PAGE2B: variants seen among roughly 807,000 people sequenced by gnomAD.
PAGE2B encodes the protein putative G antigen family E member 3.
Under a neutral mutation model 7.6 loss-of-function variants are expected in PAGE2B, and 5 were observed. That is an observed-to-expected ratio of 0.66 (90% confidence interval 0.34 to 1.38). PAGE2B has a LOEUF of 1.38. Ranked by LOEUF, PAGE2B falls within the 40% of genes most tolerant of loss-of-function variation. The pLI is 0.04. For synonymous variants in PAGE2B, 29 were observed against 26.7 expected, an observed-to-expected ratio of 1.09 and a Z score of -0.27; for missense variants, 70 against 78.4, an observed-to-expected ratio of 0.89 and a Z score of 0.41.
chrX:55,033,412 C>G, the PAGE2B span, among the ~76,000 whole-genome samples: 3 of 110,853 alleles, frequency 2.7e-5, no homozygotes, highest in Non-Finnish European at 5.7e-5. Flanking sequence ...CCTGATATCT[C>G]CTCTCCTTTA....
the PAGE2B span, among the ~76,000 whole-genome samples, chrX:55,035,563 G>A: frequency 4.5e-5 from 5 of 111,362 alleles, no homozygotes; most frequent in African/African-American, 9.8e-5. Flanking sequence ...TACTTGCTCC[G>A]TCACTTTATG....
chrX:55,042,653 C>CAAAAAAAAAAAAAAAAAAAA, the PAGE2B span, among the ~76,000 whole-genome samples: 1 of 11,862 alleles, frequency 8.4e-5, no homozygotes, highest in Non-Finnish European at 1.2e-4. Context: ...GACTCCGTCT[C>CAAAAAAAAAAAAAAAAAAAA]AAAAAAAAAA....
chrX:55,057,413 A>G, the PAGE2B span, among the ~76,000 whole-genome samples: 1 of 112,020 alleles, frequency 8.9e-6, no homozygotes, highest in Non-Finnish European at 1.9e-5. Flanking sequence ...ACATAGATAT[A>G]TAAATCCACA....
chrX:55,052,399 C>A, the PAGE2B span, among the ~76,000 whole-genome samples: 1 of 112,548 alleles, frequency 8.9e-6, no homozygotes, highest in South Asian at 3.6e-4. Flanking sequence ...TGTTCCCTGC[C>A]CCCAGAGGTG....
the PAGE2B span, among the ~76,000 whole-genome samples, chrX:55,047,893 T>G: frequency 6.2e-5 from 7 of 112,001 alleles, no homozygotes; most frequent in East Asian, 8.4e-4. Flanking sequence ...CCTTGCCCAA[T>G]CCTATGTCCT....
rs974401851 is a variant in PAGE2B at position 55,077,250 on chromosome X, C to G, written c.194-149C>G. ...AAAGGAAAGGGCAATGTTTGAACAT[C>G]TCTGCTTTCCTGTTTTCCTGGCAGC... On this transcript the variant is annotated intron_variant, in intron 3 of 4. Transcript: ENST00000374971. 4.9e-6 allele frequency: 5 copies of G among 1,012,223 alleles called. No individual in the cohort carries two copies. In the African/African-American group the frequency reaches 7.8e-5, roughly 16 times the overall value. 83.4% of individuals were successfully genotyped at this position (1,012,223 alleles called of 1,213,427 possible).
At chrX:55,076,419 CGTAT>C (rs1569548347) in intron 2 of PAGE2B, 146 bp from the exon 3 acceptor site, 15 of 516,967 alleles carry the variant, frequency 2.9e-5, no homozygotes, top group South Asian at 4.2e-5. Flanking sequence ...TATGTATATA[CGTAT>C]GTATGTATAT....
the PAGE2B span, among the ~76,000 whole-genome samples, chrX:55,054,365 T>C: frequency 8.9e-6 from 1 of 112,644 alleles, no homozygotes; most frequent in Non-Finnish European, 1.9e-5. Flanking sequence ...ATTTTAAAAG[T>C]CTATTTACAT....
At chrX:55,058,567 G>A in the PAGE2B span, among the ~76,000 whole-genome samples, 1 of 111,668 alleles carries the variant, frequency 9.0e-6, no homozygotes, top group Non-Finnish European at 1.9e-5. Flanking sequence ...TTGGTACTGA[G>A]ATCTTTCTGT....
At chrX:55,056,052 T>C in the PAGE2B span, among the ~76,000 whole-genome samples, 1 of 111,618 alleles carries the variant, frequency 9.0e-6, no homozygotes, top group Non-Finnish European at 1.9e-5. Context: ...GCTGGGCCTC[T>C]GAAAGAGAGA....
chrX:55,029,893 A>G, the PAGE2B span, among the ~76,000 whole-genome samples: 40,511 of 109,148 alleles, frequency 0.37, 6,793 homozygotes, highest in Non-Finnish European at 0.5. Context: ...AAAAGGGCCA[A>G]CTGCAACTCT....
chrX:55,059,889 G>C, the PAGE2B span, among the ~76,000 whole-genome samples: 11 of 111,068 alleles, frequency 9.9e-5, no homozygotes, highest in Non-Finnish European at 1.9e-5. Flanking sequence ...TCTGTGTCTG[G>C]TTTACTTCGC....
chrX:55,041,657 C>T, the PAGE2B span, among the ~76,000 whole-genome samples: 1 of 111,813 alleles, frequency 8.9e-6, no homozygotes, highest in Admixed American at 9.5e-5. Context: ...AGGGCTGAGC[C>T]TCTGGTGGGT....
At chrX:55,045,397 A>T in the PAGE2B span, among the ~76,000 whole-genome samples, 2 of 111,747 alleles carry the variant, frequency 1.8e-5, no homozygotes, top group African/African-American at 6.5e-5. Context: ...GACTTGCCTT[A>T]ATACTCAGAA....
chrX:55,047,006 C>A, the PAGE2B span, among the ~76,000 whole-genome samples: 2 of 111,180 alleles, frequency 1.8e-5, no homozygotes, highest in East Asian at 5.7e-4. Context: ...TATACATGTG[C>A]CATGTTGGTG....
the PAGE2B span, among the ~76,000 whole-genome samples, chrX:55,037,860 A>G: frequency 1.1e-5 from 1 of 88,675 alleles, no homozygotes; most frequent in East Asian, 3.6e-4. Flanking sequence ...ATGAGAACAC[A>G]TGGACACAGG....
At chrX:55,032,436 A>G in the PAGE2B span, among the ~76,000 whole-genome samples, 4 of 111,147 alleles carry the variant, frequency 3.6e-5, no homozygotes, top group African/African-American at 9.8e-5. Flanking sequence ...TCAGTTGTCT[A>G]TTTCTCTTCT....
the PAGE2B span, among the ~76,000 whole-genome samples, chrX:55,061,342 C>T: frequency 9.0e-6 from 1 of 110,950 alleles, no homozygotes; most frequent in Admixed American, 9.7e-5. Flanking sequence ...TTTTGTCACC[C>T]AGGTAATCAG....
upstream of PAGE2B, among the ~76,000 whole-genome samples, chrX:55,073,502 G>A (rs1005549194): frequency 9.0e-6 from 1 of 111,412 alleles, no homozygotes; most frequent in Admixed American, 9.6e-5. Context: ...TTCCTATTAC[G>A]CCATCTTGCC....
Sources: gnomAD v4.1 joint callset for allele counts (sites outside exome capture counted in the v4.1 genomes callset) on GRCh38, gnomAD v4.1.1 for gene constraint, MANE v1.5 for transcripts, NCBI Gene and HGNC (gene_info 2026-07-23, HGNC 2026-07-21) for gene names.